The following DSCAM variants were observed in gnomAD, a reference collection of about 807,000 sequenced individuals.
The protein encoded by DSCAM is DS cell adhesion molecule.
DSCAM carries 47 observed loss-of-function variants against 217.7 expected under a neutral mutation model. The observed-to-expected ratio is 0.22, with a 90% CI of 0.17 to 0.28. DSCAM has a LOEUF of 0.28. DSCAM is among the 10% of genes least tolerant of loss of function. DSCAM has a pLI of 1.00. For missense variants in DSCAM, 2,080 were observed against 2,618.3 expected, an observed-to-expected ratio of 0.79 and a Z score of 4.49; for synonymous variants, 1,056 against 1,015.3, an observed-to-expected ratio of 1.04 and a Z score of -0.76.
chr21:40,516,845 G>T (rs2076303528), intron 3 of DSCAM, among the ~76,000 whole-genome samples: 2 of 150,460 alleles, frequency 1.3e-5, no homozygotes, highest in African/African-American at 4.9e-5. Flanking sequence ...TTATTCATTA[G>T]ACAGTAGCAA....
chr21:40,255,522 G>T (rs1271394842), intron 11 of DSCAM, among the ~76,000 whole-genome samples: 2 of 152,172 alleles, frequency 1.3e-5, no homozygotes, highest in East Asian at 3.8e-4. Flanking sequence ...TGGAATGAAG[G>T]TTGCTAATTA....
intron 1 of DSCAM, among the ~76,000 whole-genome samples, chr21:40,741,647 G>T (rs953255905): frequency 6.6e-6 from 1 of 152,202 alleles, no homozygotes; most frequent in Admixed American, 6.6e-5. Context: ...AGACTAGCAG[G>T]TTCTAGCTAC....
At chr21:40,455,668 C>T (rs908657533) in intron 3 of DSCAM, among the ~76,000 whole-genome samples, 1 of 152,110 alleles carries the variant, frequency 6.6e-6, no homozygotes, top group Admixed American at 6.5e-5. Context: ...ACTGGGGAGG[C>T]TGAGGCAGGA....
At chr21:40,474,674 G>A (rs537004198) in intron 3 of DSCAM, among the ~76,000 whole-genome samples, 151 of 152,224 alleles carry the variant, frequency 9.9e-4, no homozygotes, top group African/African-American at 3.0e-3. Flanking sequence ...ATTACCTCAG[G>A]TTTGCACATT....
At chr21:40,403,487 A>G (rs2123781071) in intron 3 of DSCAM, among the ~76,000 whole-genome samples, 1 of 152,200 alleles carries the variant, frequency 6.6e-6, no homozygotes, top group Admixed American at 6.5e-5. Flanking sequence ...TGCCCAGTGG[A>G]ATTTTCTTTG....
At chr21:40,348,381 A>G (rs1827914570) in intron 5 of DSCAM, among the ~76,000 whole-genome samples, 1 of 151,438 alleles carries the variant, frequency 6.6e-6, no homozygotes, top group African/African-American at 2.5e-5. Context: ...AGTTCCTATT[A>G]GCCACATTAT....
chr21:40,793,994 A>T (rs2091669624), intron 1 of DSCAM, among the ~76,000 whole-genome samples: 1 of 152,180 alleles, frequency 6.6e-6, no homozygotes, highest in Non-Finnish European at 1.5e-5. Context: ...TTTTTTAAAA[A>T]ATTTTCTCTA....
At chr21:40,153,229 A>T (rs556200241) in intron 16 of DSCAM, among the ~76,000 whole-genome samples, 1 of 152,200 alleles carries the variant, frequency 6.6e-6, no homozygotes, top group Non-Finnish European at 1.5e-5. Flanking sequence ...TTAACTGGGC[A>T]TCTGTTCTAC....
intron 1 of DSCAM, among the ~76,000 whole-genome samples, chr21:40,759,156 C>T (rs1397628646): frequency 6.6e-6 from 1 of 152,032 alleles, no homozygotes; most frequent in East Asian, 1.9e-4. Flanking sequence ...TTAGTCCCAT[C>T]CTGTCTCATC....
At chr21:40,563,722 A>ATGTT (rs1568907915) in intron 3 of DSCAM, among the ~76,000 whole-genome samples, 1 of 146,528 alleles carries the variant, frequency 6.8e-6, no homozygotes, top group East Asian at 2.0e-4. Context: ...TTATGTTTAT[A>ATGTT]TATGTTTATA....
chr21:40,145,395 GC>G (rs1459802903), intron 16 of DSCAM, among the ~76,000 whole-genome samples: 3 of 152,180 alleles, frequency 2.0e-5, no homozygotes, highest in Admixed American at 6.5e-5. Context: ...CTTTCATGAA[GC>G]CCCGAATCAT....
chr21:40,311,451 A>T (rs1944901069), intron 9 of DSCAM, among the ~76,000 whole-genome samples: 1 of 152,180 alleles, frequency 6.6e-6, no homozygotes, highest in African/African-American at 2.4e-5. Flanking sequence ...TACAGTTTAG[A>T]TGTAATGAGA....
At chr21:40,782,186 C>CAA (rs35226396) in intron 1 of DSCAM, among the ~76,000 whole-genome samples, 2 of 142,312 alleles carry the variant, frequency 1.4e-5, no homozygotes, top group African/African-American at 5.1e-5. Context: ...CAAAAAACAA[C>CAA]AAAAAAAAAA....
intron 11 of DSCAM, among the ~76,000 whole-genome samples, chr21:40,215,505 C>G (rs1166611163): frequency 1.3e-5 from 2 of 151,860 alleles, no homozygotes; most frequent in African/African-American, 4.8e-5. Context: ...ACTTTTATAG[C>G]AACTTGGATG....
chr21:40,503,874 G>A (rs577458476), intron 3 of DSCAM, among the ~76,000 whole-genome samples: 1 of 152,334 alleles, frequency 6.6e-6, no homozygotes, highest in East Asian at 1.9e-4. Context: ...ATTCAGGTCT[G>A]AATTGGCACT....
At chr21:40,335,396 T>C (rs1253339724) in intron 8 of DSCAM, among the ~76,000 whole-genome samples, 4 of 152,210 alleles carry the variant, frequency 2.6e-5, no homozygotes, top group African/African-American at 9.6e-5. Context: ...ATATATTGTT[T>C]ATAAGAGACA....
chr21:40,041,684 T>C (rs945637858), intron 32 of DSCAM, among the ~76,000 whole-genome samples: 3 of 152,124 alleles, frequency 2.0e-5, no homozygotes, highest in Admixed American at 6.5e-5. Flanking sequence ...GATTCACAGG[T>C]GTTCAAGTTG....
intron 11 of DSCAM, among the ~76,000 whole-genome samples, chr21:40,202,767 TAATA>T (rs1330250871): frequency 1.2e-4 from 19 of 152,378 alleles, no homozygotes; most frequent in Admixed American, 6.5e-5. Flanking sequence ...TCATCTGTGT[TAATA>T]TTCATTTTCC....
chr21:40,338,442 C>T (rs1318653705), intron 7 of DSCAM, 66 bp from the exon 8 acceptor site: 2 of 1,494,698 alleles, frequency 1.3e-6, no homozygotes, highest in Non-Finnish European at 1.8e-6. Flanking sequence ...GAAATGGGTA[C>T]ACTTTTCCTT....
Sources: gnomAD v4.1 joint callset for allele counts (sites outside exome capture counted in the v4.1 genomes callset) on GRCh38, gnomAD v4.1.1 for gene constraint, MANE v1.5 for transcripts, NCBI Gene and HGNC (gene_info 2026-07-23, HGNC 2026-07-21) for gene names.